CDKN2B-AS1: variants seen among roughly 807,000 people sequenced by gnomAD.
CDKN2B-AS1 encodes the protein CDKN2B antisense RNA 1 (non-protein coding).
intron 4 of CDKN2B-AS1, among the ~76,000 whole-genome samples, chr9:22,071,356 G>A (rs1401442916): frequency 7.5e-6 from 1 of 133,834 alleles, no homozygotes; most frequent in African/African-American, 2.8e-5. Context: ...CTGGAGTGCA[G>A]TTGCGCGATC....
intron 1 of CDKN2B-AS1, among the ~76,000 whole-genome samples, chr9:22,034,159 G>A (rs1239806730): frequency 6.6e-6 from 1 of 152,142 alleles, no homozygotes; most frequent in Non-Finnish European, 1.5e-5. Context: ...GTTCTTCTTT[G>A]TTGTTACCTG....
At chr9:22,004,194 CAACT>C (rs1821056913) in intron 1 of CDKN2B-AS1, 2 of 232,316 alleles carry the variant, frequency 8.6e-6, no homozygotes, top group East Asian at 6.1e-5. Flanking sequence ...CTCTGATTCT[CAACT>C]AACTTTCCCC....
rs370236504 is a variant in CDKN2B-AS1, at chr9:22,006,196, C to T, written n.29+11035C>T. 9.3e-6 allele frequency: 15 copies of T among 1,608,770 alleles called. No homozygotes were observed. Among genetic ancestry groups the T allele is most frequent in the Non-Finnish European group, 1.1e-5 (13 of 1,179,798 alleles). On this transcript the variant is annotated intron_variant and non_coding_transcript_variant, in intron 1 of 4. Transcript: ENST00000650946. The surrounding 1 kb of genome is among the most constrained non-coding windows in gnomAD (Gnocchi z 6.4). ...GCAGGGTCTGCGCAGTTGGGCTCCG[C>T]GCCGTGGAGCAGCAGCAGCTCCGCC... is the stretch of plus-strand genomic sequence containing the variant.
chr9:22,044,130 G>A (rs576419025), intron 1 of CDKN2B-AS1, among the ~76,000 whole-genome samples: 2 of 151,986 alleles, frequency 1.3e-5, no homozygotes, highest in South Asian at 4.2e-4. Flanking sequence ...TTTCGCCTAG[G>A]TCAGCTATAA....
intron 4 of CDKN2B-AS1, among the ~76,000 whole-genome samples, chr9:22,074,508 T>C (rs1268494700): frequency 6.6e-6 from 1 of 152,184 alleles, no homozygotes; most frequent in Non-Finnish European, 1.5e-5. Context: ...TACATAAATA[T>C]ATATATCCAA....
intron 4 of CDKN2B-AS1, among the ~76,000 whole-genome samples, chr9:22,059,740 A>T (rs1425053448): frequency 6.6e-6 from 1 of 152,234 alleles, no homozygotes; most frequent in Non-Finnish European, 1.5e-5. Context: ...CCGCCCCAGC[A>T]GCAAACTTTT....
At chr9:22,018,690 G>C (rs531651777) in intron 1 of CDKN2B-AS1, among the ~76,000 whole-genome samples, 2 of 152,288 alleles carry the variant, frequency 1.3e-5, no homozygotes, top group African/African-American at 4.8e-5. Context: ...TGTATGTGAT[G>C]TAAAGAGCGC....
chr9:22,005,740 A>T lies in CDKN2B-AS1; in HGVS notation n.29+10579A>T, dbSNP rs1258641579. On this transcript the variant is annotated intron_variant and non_coding_transcript_variant, in intron 1 of 4. Coordinates refer to ENST00000650946, the Ensembl canonical transcript of CDKN2B-AS1. The surrounding 1 kb of genome is among the most constrained non-coding windows in gnomAD (Gnocchi z 4.9). Reference sequence around the variant, plus strand: ...CCCCTGGAATGTCACACACTCCTAAATATCCCTGGAAATCCGCTTCTCTGT... The same window carrying T: ...CCCCTGGAATGTCACACACTCCTAATTATCCCTGGAAATCCGCTTCTCTGT... 1.7e-6 allele frequency: 1 copy of T among 601,294 alleles called. No homozygotes were observed. Among genetic ancestry groups the T allele is most frequent in the East Asian group, 2.8e-5 (1 of 35,532 alleles). The allele number at this position is 601,294 out of a possible 1,614,324, so 37.2% of individuals were successfully genotyped here.
intron 4 of CDKN2B-AS1, among the ~76,000 whole-genome samples, chr9:22,072,751 G>A (rs1824347393): frequency 6.6e-6 from 1 of 152,212 alleles, no homozygotes; most frequent in Non-Finnish European, 1.5e-5. Flanking sequence ...GATGTACAGT[G>A]TGAAGATGCA....
intron 1 of CDKN2B-AS1, among the ~76,000 whole-genome samples, chr9:22,007,233 G>A (rs1563915379): frequency 6.6e-6 from 1 of 152,040 alleles, no homozygotes; most frequent in Admixed American, 6.6e-5. Context: ...ATGGTGGGGC[G>A]TGCCTGTAGT....
intron 4 of CDKN2B-AS1, among the ~76,000 whole-genome samples, chr9:22,056,574 C>T (rs560510615): frequency 4.6e-5 from 7 of 152,238 alleles, no homozygotes; most frequent in South Asian, 4.2e-4. Flanking sequence ...CCCCTGCTTA[C>T]TCCAGAGTCA....
chr9:22,112,735 A>AATAATTTCT (rs1241942672), intron 4 of CDKN2B-AS1, among the ~76,000 whole-genome samples: 2 of 152,194 alleles, frequency 1.3e-5, no homozygotes, highest in Non-Finnish European at 2.9e-5. Context: ...TTAATCTTAT[A>AATAATTTCT]ATAATTTCTT....
At chr9:22,052,063 C>T (rs1823369922) in intron 3 of CDKN2B-AS1, among the ~76,000 whole-genome samples, 1 of 152,138 alleles carries the variant, frequency 6.6e-6, no homozygotes, top group Admixed American at 6.6e-5. Context: ...TTAAAGGAAA[C>T]TCCACATTCT....
chr9:22,109,757 C>T (rs72654211), intron 4 of CDKN2B-AS1, among the ~76,000 whole-genome samples: 1 of 152,066 alleles, frequency 6.6e-6, no homozygotes, highest in Non-Finnish European at 1.5e-5. Flanking sequence ...AAAGTATTAC[C>T]CAAATAGTGA....
At chr9:22,042,860 C>T (rs535660631) in intron 1 of CDKN2B-AS1, among the ~76,000 whole-genome samples, 1 of 152,094 alleles carries the variant, frequency 6.6e-6, no homozygotes, top group Admixed American at 6.6e-5. Context: ...TATACTTAAA[C>T]CCTTCTAATC....
chr9:22,123,881 G>A (rs2131378528), intron 4 of CDKN2B-AS1, among the ~76,000 whole-genome samples: 1 of 152,258 alleles, frequency 6.6e-6, no homozygotes, highest in Non-Finnish European at 1.5e-5. Context: ...GACTATTTTT[G>A]CAATTATGTA....
At chr9:22,060,620 A>G (rs568448711) in intron 4 of CDKN2B-AS1, among the ~76,000 whole-genome samples, 7 of 152,302 alleles carry the variant, frequency 4.6e-5, no homozygotes, top group Admixed American at 3.9e-4. Context: ...TTGGGTATCT[A>G]TTCAGCAAAG....
intron 1 of CDKN2B-AS1, among the ~76,000 whole-genome samples, chr9:22,044,954 G>T (rs1302214101): frequency 1.3e-5 from 2 of 151,446 alleles, no homozygotes; most frequent in Non-Finnish European, 2.9e-5. Flanking sequence ...TTTCCACCAT[G>T]TATACATTTC....
At chr9:22,048,142 T>C (rs1823186945) in intron 2 of CDKN2B-AS1, among the ~76,000 whole-genome samples, 1 of 152,068 alleles carries the variant, frequency 6.6e-6, no homozygotes, top group African/African-American at 2.4e-5. Context: ...ACATAAATAA[T>C]TGGTATATTT....
Sources: allele counts gnomAD v4.1 joint callset (sites outside exome capture counted in the v4.1 genomes callset), GRCh38; gene constraint gnomAD v4.1.1; non-coding constraint Gnocchi (gnomAD v3.1); transcripts MANE v1.5; gene names NCBI Gene and HGNC (gene_info 2026-07-23, HGNC 2026-07-21).